RAF1: variants seen among roughly 807,000 people sequenced by gnomAD.
RAF1 encodes the protein RAF proto-oncogene serine/threonine-protein kinase.
A neutral mutation model predicts 81.1 loss-of-function variants in RAF1; 27 were observed. The ratio of observed to expected loss-of-function variants is 0.33; its 90% CI spans 0.25 to 0.46. The LOEUF (loss-of-function observed/expected upper bound fraction) is 0.46, where lower values mean the gene tolerates loss of function less well. Ranked by LOEUF, RAF1 falls within the 20% of genes least tolerant of loss-of-function variation. The pLI is 1.00. For synonymous variants in RAF1, 298 were observed against 294.0 expected (o/e 1.01, Z -0.14); for missense variants, 598 against 826.0 (o/e 0.72, Z 3.38).
chr3:12,606,747 C>T (rs1237542442), intron 5 of RAF1, among the ~76,000 whole-genome samples: 1 of 151,994 alleles, frequency 6.6e-6, no homozygotes, highest in Non-Finnish European at 1.5e-5. Flanking sequence ...GGTACATGTG[C>T]ACAACATGCA....
intron 5 of RAF1, chr3:12,608,441 T>C (rs772294169): frequency 3.8e-5 from 13 of 342,474 alleles, no homozygotes; most frequent in African/African-American, 6.3e-5. Flanking sequence ...GCAACCCCAG[T>C]AGATAATACT....
chr3:12,630,770 T>C (rs559727936), intron 1 of RAF1, among the ~76,000 whole-genome samples: 34 of 152,332 alleles, frequency 2.2e-4, no homozygotes, highest in African/African-American at 7.7e-4. Context: ...CTGAAAGGTC[T>C]TGAGCAGAGG....
chr3:12,617,703 T>C (rs1310105768), intron 2 of RAF1, among the ~76,000 whole-genome samples: 1 of 151,714 alleles, frequency 6.6e-6, no homozygotes. Flanking sequence ...CTGGTTAACA[T>C]GGTGAAACCC....
chr3:12,621,575 T>C (rs957677681), intron 1 of RAF1, among the ~76,000 whole-genome samples: 1 of 152,192 alleles, frequency 6.6e-6, no homozygotes, highest in Non-Finnish European at 1.5e-5. Context: ...GTAATATCTA[T>C]TAAAAGTTTG....
chr3:12,651,159 T>C (rs1285262079), intron 1 of RAF1, among the ~76,000 whole-genome samples: 1 of 152,240 alleles, frequency 6.6e-6, no homozygotes, highest in Non-Finnish European at 1.5e-5. Flanking sequence ...CCCTGCTTTT[T>C]TTCTATAGCA....
At chr3:12,660,667 A>G (rs551033213) in intron 1 of RAF1, among the ~76,000 whole-genome samples, 1 of 152,278 alleles carries the variant, frequency 6.6e-6, no homozygotes, top group Non-Finnish European at 1.5e-5. Flanking sequence ...ACTCCACTAC[A>G]ATTTATAATC....
At chr3:12,614,140 C>T (rs1310845008) in intron 2 of RAF1, among the ~76,000 whole-genome samples, 7 of 152,148 alleles carry the variant, frequency 4.6e-5, no homozygotes, top group Non-Finnish European at 8.8e-5. Flanking sequence ...CATAAGAAAC[C>T]TCTGAGGAAA....
intron 5 of RAF1, 94 bp downstream of exon 5, chr3:12,608,672 T>A: frequency 2.9e-6 from 4 of 1,376,746 alleles, no homozygotes; most frequent in Non-Finnish European, 4.1e-6. Context: ...GAGTCTAGAA[T>A]CCAGACCTGT....
Position 12,609,336 on chromosome 3 carries a change from C to A in RAF1, c.321-1G>T, listed in dbSNP as rs372393218. On this transcript the variant is annotated splice_acceptor_variant, in intron 3 of 17. Coordinates refer to ENST00000442415, the MANE Select transcript of RAF1 (RefSeq NM_001354689.3). LOFTEE classifies it high-confidence loss of function. The stretch of plus-strand genomic sequence containing the variant: ...ATTCCAATCTAAGCGTGCTTTTTTA[C>A]TAGAAAGGATTTAAAAAAAACATGA... 2 of 1,597,594 alleles carry A rather than the reference C, an allele frequency of 1.3e-6. No individual in the cohort carries two copies. The highest frequency in any genetic ancestry group is 2.7e-5 in the African/African-American group (2 of 74,426).
intron 5 of RAF1, among the ~76,000 whole-genome samples, chr3:12,608,120 G>A (rs2059099515): frequency 1.3e-5 from 2 of 152,016 alleles, no homozygotes; most frequent in Non-Finnish European, 2.9e-5. Context: ...GGTTTCTCTA[G>A]TACTGTCAAA....
chr3:12,641,368 TAAAA>T (rs935176104), intron 1 of RAF1, among the ~76,000 whole-genome samples: 1 of 143,624 alleles, frequency 7.0e-6, no homozygotes, highest in Non-Finnish European at 1.5e-5. Flanking sequence ...CTTAAAGTAT[TAAAA>T]AAAAAAGAAT....
At chr3:12,644,098 A>C (rs1238252862) in intron 1 of RAF1, among the ~76,000 whole-genome samples, 3 of 152,238 alleles carry the variant, frequency 2.0e-5, no homozygotes, top group Admixed American at 6.5e-5. Context: ...AAAAAATAAG[A>C]AAGCACAACT....
intron 1 of RAF1, among the ~76,000 whole-genome samples, chr3:12,631,460 G>A (rs1325572351): frequency 9.9e-5 from 15 of 152,056 alleles, no homozygotes; most frequent in Non-Finnish European, 1.9e-4. Flanking sequence ...TTAGCCGGGC[G>A]TGGTGGCGGG....
intron 8 of RAF1, among the ~76,000 whole-genome samples, chr3:12,602,711 G>A (rs2058898772): frequency 6.6e-6 from 1 of 152,004 alleles, no homozygotes; most frequent in East Asian, 1.9e-4. Context: ...TGTATTATCA[G>A]GACTAATCAT....
intron 1 of RAF1, among the ~76,000 whole-genome samples, chr3:12,635,637 CAAA>C (rs34576938): frequency 0.37 from 27,021 of 73,374 alleles, 5,084 homozygotes; most frequent in East Asian, 0.8. Flanking sequence ...ACTCCAGCTC[CAAA>C]AAAAAAAAAA....
chr3:12,588,184 A>C (rs761586332), intron 13 of RAF1: 1 of 152,374 alleles, frequency 6.6e-6, no homozygotes, highest in Admixed American at 6.5e-5. Context: ...ATGAATGAAT[A>C]ATGTGGCATA....
chr3:12,616,416 T>C (rs1350884897), intron 2 of RAF1, among the ~76,000 whole-genome samples: 2 of 152,160 alleles, frequency 1.3e-5, no homozygotes, highest in East Asian at 3.9e-4. Context: ...AGAAAATTAA[T>C]GAGAAACAGT....
chr3:12,602,403 C>G (rs1225488768), intron 8 of RAF1, among the ~76,000 whole-genome samples: 1 of 152,192 alleles, frequency 6.6e-6, no homozygotes, highest in African/African-American at 2.4e-5. Flanking sequence ...AAAATTCTTA[C>G]TTGACACAAT....
chr3:12,622,762 GA>G (rs1480140808), intron 1 of RAF1, among the ~76,000 whole-genome samples: 2 of 152,088 alleles, frequency 1.3e-5, no homozygotes, highest in African/African-American at 2.4e-5. Context: ...TAAATTAAGG[GA>G]AAAGCCAGAA....
Sources: allele counts gnomAD v4.1 joint callset (sites outside exome capture counted in the v4.1 genomes callset), GRCh38; gene constraint gnomAD v4.1.1; transcripts MANE v1.5; gene names NCBI Gene and HGNC (gene_info 2026-07-23, HGNC 2026-07-21).